Variants in RPS6KA2 observed in about 807,000 individuals in gnomAD.
The protein encoded by RPS6KA2 is ribosomal protein S6 kinase A2.
In RPS6KA2, 42 loss-of-function variants were observed where a neutral mutation model predicts 91.8. The ratio of observed to expected loss-of-function variants is 0.46; its 90% CI spans 0.36 to 0.59. The LOEUF (loss-of-function observed/expected upper bound fraction) is 0.59. RPS6KA2 is among the 20% of genes least tolerant of loss of function. The probability of loss-of-function intolerance (pLI) is 0.00; values close to 1 mark genes in which losing one functional copy is unlikely to be tolerated. For synonymous variants in RPS6KA2, 414 were observed against 393.6 expected, an observed-to-expected ratio of 1.05 and a Z score of -0.61; for missense variants, 798 against 978.5, an observed-to-expected ratio of 0.82 and a Z score of 2.46.
chr6:166,544,444 G>C (rs1434630579), intron 1 of RPS6KA2, among the ~76,000 whole-genome samples: 1 of 152,174 alleles, frequency 6.6e-6, no homozygotes, highest in African/African-American at 2.4e-5. Flanking sequence ...TACCAGGAAA[G>C]CTGGCTGCAC....
intron 1 of RPS6KA2, among the ~76,000 whole-genome samples, chr6:166,553,946 C>A (rs1354372345): frequency 2.0e-5 from 3 of 152,032 alleles, no homozygotes; most frequent in Non-Finnish European, 2.9e-5. Context: ...CTGAAAAATA[C>A]ACAGTTAGGT....
At chr6:166,629,127 A>G (rs1435342262), upstream of RPS6KA2, among the ~76,000 whole-genome samples, 2 of 152,256 alleles carry the variant, frequency 1.3e-5, no homozygotes, top group African/African-American at 2.4e-5. Flanking sequence ...CAGCACGGGA[A>G]GAGGTAGATG....
At chr6:166,463,721 T>C (rs1337823238) in intron 11 of RPS6KA2, among the ~76,000 whole-genome samples, 1 of 152,210 alleles carries the variant, frequency 6.6e-6, no homozygotes, top group Non-Finnish European at 1.5e-5. Context: ...GCTTCAGGCA[T>C]TTTGGAATTA....
In RPS6KA2 at chr6:166,858,753, CG is replaced by C. The variant is rs528150180; in HGVS notation, c.64-495del. On this transcript the variant is annotated intron_variant, in intron 1 of 21. Transcript: ENST00000503859. ...GAGAAATGAGGCCCAGCCCATAAAA[CG>C]TAAAGCAAGTGTTTCTGTGGTTGGC... 5.9e-5 allele frequency among the ~76,000 whole-genome samples: 9 copies of C among 152,358 alleles called. No homozygotes were observed. The South Asian group carries it at 1.7e-3, about 28-fold the overall frequency.
chr6:166,854,343 A>T (rs541585168), intron 2 of RPS6KA2, among the ~76,000 whole-genome samples: 17 of 152,312 alleles, frequency 1.1e-4, no homozygotes, highest in Admixed American at 1.1e-3. Flanking sequence ...TAGATATCCT[A>T]TGTGAGCTAT....
At chr6:166,818,385 G>A (rs1237070887) in intron 2 of RPS6KA2, among the ~76,000 whole-genome samples, 2 of 152,122 alleles carry the variant, frequency 1.3e-5, no homozygotes, top group Non-Finnish European at 2.9e-5. Context: ...CCTCATGTTA[G>A]AATCAGATTA....
intron 10 of RPS6KA2, among the ~76,000 whole-genome samples, chr6:166,486,805 C>T (rs181540026): frequency 4.9e-4 from 65 of 132,838 alleles, no homozygotes; most frequent in Non-Finnish European, 1.4e-4. Flanking sequence ...GTAACAGCAA[C>T]GTGGAGATTC....
intron 1 of RPS6KA2, among the ~76,000 whole-genome samples, chr6:166,587,924 A>T (rs1562326138): frequency 6.6e-6 from 1 of 152,104 alleles, no homozygotes; most frequent in Admixed American, 6.6e-5. Context: ...CTCCTCACTC[A>T]CTCAGGTTCC....
At chr6:166,558,393 C>G (rs961709447) in intron 1 of RPS6KA2, among the ~76,000 whole-genome samples, 1 of 152,042 alleles carries the variant, frequency 6.6e-6, no homozygotes, top group African/African-American at 2.4e-5. Flanking sequence ...CTACCCGTAT[C>G]TAGGGGGCAA....
At chr6:166,698,186 C>A (rs1231787034) in intron 2 of RPS6KA2, among the ~76,000 whole-genome samples, 1 of 152,182 alleles carries the variant, frequency 6.6e-6, no homozygotes, top group African/African-American at 2.4e-5. Flanking sequence ...GACTGCGACA[C>A]AAAATAGAGT....
intron 10 of RPS6KA2, among the ~76,000 whole-genome samples, chr6:166,485,721 A>AG (rs1781385248): frequency 6.7e-6 from 1 of 150,148 alleles, no homozygotes; most frequent in Non-Finnish European, 1.5e-5. Flanking sequence ...ACGGTGATGA[A>AG]CGGGGGGGTC....
chr6:166,481,798 C>T (rs1348463120), intron 10 of RPS6KA2, among the ~76,000 whole-genome samples: 1 of 150,984 alleles, frequency 6.6e-6, no homozygotes, highest in Non-Finnish European at 1.5e-5. Flanking sequence ...GCTGAGTTCT[C>T]TGATAAGATG....
intron 1 of RPS6KA2, among the ~76,000 whole-genome samples, chr6:166,551,022 T>G (rs1228232197): frequency 1.9e-5 from 2 of 103,762 alleles, no homozygotes; most frequent in Non-Finnish European, 4.6e-5. Context: ...GAACGTGAAA[T>G]TAGGTACTAC....
intron 2 of RPS6KA2, among the ~76,000 whole-genome samples, chr6:166,842,513 C>G (rs2128630280): frequency 6.6e-6 from 1 of 152,342 alleles, no homozygotes; most frequent in South Asian, 2.1e-4. Context: ...AGACTTCCAG[C>G]TCCAGAACGG....
intron 2 of RPS6KA2, among the ~76,000 whole-genome samples, chr6:166,833,944 G>C (rs1226850791): frequency 3.3e-5 from 5 of 151,276 alleles, no homozygotes; most frequent in Non-Finnish European, 7.4e-5. Context: ...ATGTTGACCA[G>C]GCTGGTCTCA....
intron 2 of RPS6KA2, among the ~76,000 whole-genome samples, chr6:166,831,707 A>C (rs1326248459): frequency 6.6e-6 from 1 of 151,742 alleles, no homozygotes; most frequent in Non-Finnish European, 1.5e-5. Context: ...TATAACAGGA[A>C]ATATTTTTAA....
intron 1 of RPS6KA2, among the ~76,000 whole-genome samples, chr6:166,540,397 A>C (rs1182949895): frequency 6.6e-6 from 1 of 152,214 alleles, no homozygotes; most frequent in Non-Finnish European, 1.5e-5. Context: ...TAAAGGAAAC[A>C]CTTTCGTCTC....
At position 166,692,925 on chromosome 6, in the gene RPS6KA2, C is replaced by T. The variant is rs1660937764; in HGVS notation, c.124-154141G>A. Among the ~76,000 whole-genome samples the T allele has an allele frequency of 2.0e-5, 3 of 152,196 alleles. No individual in the cohort carries two copies. In the South Asian group the frequency reaches 6.2e-4, roughly 32 times the overall value. On this transcript the variant is annotated intron_variant, in intron 2 of 21. Transcript: ENST00000503859. ...TTCAAGCATGGAGCATCTCACTCCT[C>T]CACATTTCAGAGAGCAAACCTCCAC... is the stretch of plus-strand genomic sequence containing the variant.
intron 11 of RPS6KA2, among the ~76,000 whole-genome samples, chr6:166,460,416 A>G (rs1780236229): frequency 6.6e-6 from 1 of 152,188 alleles, no homozygotes; most frequent in South Asian, 2.1e-4. Flanking sequence ...CGTAGTCCTC[A>G]GGCGGGTGAT....
Sources: gnomAD v4.1 joint callset for allele counts (sites outside exome capture counted in the v4.1 genomes callset) on GRCh38, gnomAD v4.1.1 for gene constraint, MANE v1.5 for transcripts, NCBI Gene and HGNC (gene_info 2026-07-23, HGNC 2026-07-21) for gene names.